The following RBFOX1 variants were observed in gnomAD, a reference collection of about 807,000 sequenced individuals.
RBFOX1 encodes RNA binding protein fox-1 homolog 1.
RBFOX1 carries 8 observed loss-of-function variants against 57.7 expected under a neutral mutation model. The observed-to-expected ratio is 0.14, with a 90% CI of 0.08 to 0.25. RBFOX1 has a LOEUF of 0.25. Among genes scored for constraint, RBFOX1 ranks in the 10% least tolerant of loss-of-function variants. The pLI, the probability that RBFOX1 is intolerant of heterozygous loss-of-function variation, is 1.00. For synonymous variants in RBFOX1, 326 were observed against 222.4 expected (o/e 1.47, Z -4.15); for missense variants, 611 against 548.5 (o/e 1.11, Z -1.14).
chr16:7,504,571 C>T (rs1462690801), intron 4 of RBFOX1, among the ~76,000 whole-genome samples: 2 of 149,692 alleles, frequency 1.3e-5, no homozygotes, highest in Non-Finnish European at 2.9e-5. Context: ...AAGGAAAGGA[C>T]CTCATTGTTG....
chr16:6,516,061 C>T (rs1425547542), intron 2 of RBFOX1, among the ~76,000 whole-genome samples: 1 of 152,026 alleles, frequency 6.6e-6, no homozygotes, highest in African/African-American at 2.4e-5. Context: ...CAATGGTACA[C>T]TCCAATCCCG....
intron 4 of RBFOX1, among the ~76,000 whole-genome samples, chr16:5,904,986 A>AT (rs1378138603): frequency 6.6e-6 from 1 of 151,058 alleles, no homozygotes; most frequent in Non-Finnish European, 1.5e-5. Flanking sequence ...CAAAAAAAAA[A>AT]AAAAAAAAGA....
chr16:6,341,450 A>G lies in RBFOX1; in HGVS notation c.-64+24393A>G, dbSNP rs543827070. 1.8e-4 allele frequency among the ~76,000 whole-genome samples: 27 copies of G among 152,262 alleles called. No homozygotes were observed. In the South Asian group the frequency reaches 5.4e-3, roughly 30 times the overall value. Reference sequence around the variant, plus strand: ...AGTTAGGGATTCCTAGCCTCTAGATATTTACAGTTAAGGGAACAGATTAAT... The same window carrying G: ...AGTTAGGGATTCCTAGCCTCTAGATGTTTACAGTTAAGGGAACAGATTAAT... On this transcript the variant is annotated intron_variant, in intron 2 of 15. Transcript: ENST00000550418.
intron 4 of RBFOX1, among the ~76,000 whole-genome samples, chr16:7,117,407 GATT>G (rs1246175920): frequency 6.6e-6 from 1 of 152,200 alleles, no homozygotes; most frequent in Non-Finnish European, 1.5e-5. Flanking sequence ...CATGGGGCAT[GATT>G]ATTAAGAGTA....
At chr16:6,298,144 A>G (rs1029525662) in intron 1 of RBFOX1, among the ~76,000 whole-genome samples, 18 of 152,326 alleles carry the variant, frequency 1.2e-4, no homozygotes, top group Non-Finnish European at 2.5e-4. Context: ...GGGCTCCTGC[A>G]GCTGTCTGTC....
intron 3 of RBFOX1, among the ~76,000 whole-genome samples, chr16:6,861,354 A>G (rs898667895): frequency 2.6e-5 from 4 of 152,088 alleles, no homozygotes; most frequent in African/African-American, 7.2e-5. Context: ...GAGTAAAGAG[A>G]TGCAGTACCC....
intron 2 of RBFOX1, among the ~76,000 whole-genome samples, chr16:6,408,113 C>T (rs796077418): frequency 1.5e-4 from 23 of 152,212 alleles, no homozygotes; most frequent in African/African-American, 4.1e-4. Context: ...TCAAATCTGT[C>T]GACACCTTGA....
At chr16:5,865,081 C>T (rs535927895) in intron 3 of RBFOX1, among the ~76,000 whole-genome samples, 1 of 152,224 alleles carries the variant, frequency 6.6e-6, no homozygotes, top group South Asian at 2.1e-4. Flanking sequence ...GGTTAGGAAA[C>T]ACTAAAAGTA....
intron 4 of RBFOX1, among the ~76,000 whole-genome samples, chr16:7,110,281 A>G (rs2064463317): frequency 6.6e-6 from 1 of 151,912 alleles, no homozygotes; most frequent in African/African-American, 2.4e-5. Flanking sequence ...GGATCCCCGG[A>G]ACCTAGGAGT....
chr16:6,118,026 A>G (rs4786819), intron 1 of RBFOX1, among the ~76,000 whole-genome samples: 5,171 of 152,328 alleles, frequency 0.034, 128 homozygotes, highest in Non-Finnish European at 0.052. Context: ...ATTTTTTGAG[A>G]TAATTTTGCA....
chr16:6,961,023 A>C (rs115426352), intron 3 of RBFOX1, among the ~76,000 whole-genome samples: 1,830 of 150,780 alleles, frequency 0.012, 34 homozygotes, highest in African/African-American at 0.042. Context: ...CAGCAACTAT[A>C]GTCCAGCTAC....
intron 2 of RBFOX1, among the ~76,000 whole-genome samples, chr16:6,461,980 C>T (rs953325562): frequency 3.3e-5 from 5 of 151,974 alleles, no homozygotes; most frequent in Admixed American, 6.6e-5. Flanking sequence ...ATGTTTCACA[C>T]GATGCATCTT....
At chr16:7,086,655 C>G (rs1432741864) in intron 4 of RBFOX1, among the ~76,000 whole-genome samples, 2 of 151,728 alleles carry the variant, frequency 1.3e-5, no homozygotes, top group African/African-American at 2.4e-5. Flanking sequence ...TTGAAACGAT[C>G]AAGTTTTATG....
chr16:5,789,635 C>T (rs919352349), intron 3 of RBFOX1, among the ~76,000 whole-genome samples: 2 of 152,164 alleles, frequency 1.3e-5, no homozygotes, highest in African/African-American at 2.4e-5. Flanking sequence ...TTTCCCCAGT[C>T]GTATCTTGTT....
chr16:6,976,145 A>T (rs2086791362), intron 3 of RBFOX1, among the ~76,000 whole-genome samples: 1 of 152,108 alleles, frequency 6.6e-6, no homozygotes, highest in African/African-American at 2.4e-5. Context: ...AAAAGAAACA[A>T]ACAAAAAAAC....
At chr16:7,419,070 A>G (rs2098513487) in intron 4 of RBFOX1, among the ~76,000 whole-genome samples, 1 of 151,944 alleles carries the variant, frequency 6.6e-6, no homozygotes, top group South Asian at 2.1e-4. Flanking sequence ...ACGCCCAGAT[A>G]GTTTTTTTTG....
chr16:7,271,159 T>C (rs1000840978), intron 4 of RBFOX1, among the ~76,000 whole-genome samples: 2 of 152,214 alleles, frequency 1.3e-5, no homozygotes, highest in African/African-American at 4.8e-5. Flanking sequence ...TTCACGTCCA[T>C]ATTCTTAGTG....
chr16:7,634,287 G>A (rs2061420849), intron 11 of RBFOX1, among the ~76,000 whole-genome samples: 2 of 152,034 alleles, frequency 1.3e-5, no homozygotes, highest in African/African-American at 4.8e-5. Flanking sequence ...TTTGTATGTT[G>A]GATCCTATGT....
chr16:6,761,807 C>T (rs1012717476), intron 3 of RBFOX1, among the ~76,000 whole-genome samples: 1 of 151,788 alleles, frequency 6.6e-6, no homozygotes. Flanking sequence ...GCCTGGCCCT[C>T]TCTCTCCTTG....
Sources: allele counts gnomAD v4.1 joint callset (sites outside exome capture counted in the v4.1 genomes callset), GRCh38; gene constraint gnomAD v4.1.1; transcripts MANE v1.5; gene names NCBI Gene and HGNC (gene_info 2026-07-23, HGNC 2026-07-21).